The following GRIK2 variants were observed in gnomAD, a reference collection of about 807,000 sequenced individuals.
The protein encoded by GRIK2 is glutamate ionotropic receptor kainate type subunit 2, also known as glutamate receptor ionotropic, kainate 2.
GRIK2 carries 32 observed loss-of-function variants against 100.3 expected under a neutral mutation model. That is an observed-to-expected ratio of 0.32 (90% CI 0.24 to 0.43). The LOEUF is 0.43. Among genes scored for constraint, GRIK2 ranks in the 20% least tolerant of loss-of-function variants. The pLI is 1.00. For synonymous variants in GRIK2, 417 were observed against 389.4 expected (o/e 1.07, Z -0.83); for missense variants, 843 against 1,114.9 (o/e 0.76, Z 3.47).
intron 12 of GRIK2, among the ~76,000 whole-genome samples, chr6:101,904,431 T>C (rs887152124): frequency 1.3e-5 from 2 of 151,526 alleles, no homozygotes; most frequent in Admixed American, 6.6e-5. Context: ...TTTAAGAAAG[T>C]ACATACAATA....
intron 14 of GRIK2, among the ~76,000 whole-genome samples, chr6:102,017,163 T>C (rs1380698046): frequency 9.2e-5 from 14 of 152,254 alleles, no homozygotes; most frequent in African/African-American, 3.4e-4. Flanking sequence ...TGCTAGTCAC[T>C]ACAAAACACA....
At chr6:101,866,399 A>G (rs934919654) in intron 11 of GRIK2, among the ~76,000 whole-genome samples, 1 of 152,198 alleles carries the variant, frequency 6.6e-6, no homozygotes, top group Admixed American at 6.5e-5. Flanking sequence ...TTCACATTGC[A>G]TGCCTGTAGT....
At chr6:101,714,454 C>T (rs1293400629) in intron 7 of GRIK2, among the ~76,000 whole-genome samples, 1 of 144,878 alleles carries the variant, frequency 6.9e-6, no homozygotes, top group African/African-American at 2.5e-5. Context: ...TCAGTTACCA[C>T]TTTTGAGCTT....
chr6:101,409,118 G>A (rs988779897), intron 2 of GRIK2, among the ~76,000 whole-genome samples: 1 of 125,994 alleles, frequency 7.9e-6, no homozygotes, highest in East Asian at 2.5e-4. Flanking sequence ...ATGTGTGTGT[G>A]TGTGTGTGTG....
intron 2 of GRIK2, among the ~76,000 whole-genome samples, chr6:101,519,162 C>T (rs1345050795): frequency 3.3e-5 from 5 of 151,990 alleles, no homozygotes; most frequent in Admixed American, 6.6e-5. Context: ...ACTACAATTT[C>T]GGGTATACTA....
intron 12 of GRIK2, among the ~76,000 whole-genome samples, chr6:101,924,021 G>C (rs773408347): frequency 2.0e-5 from 3 of 150,928 alleles, no homozygotes; most frequent in Non-Finnish European, 2.9e-5. Context: ...TCAGAAGCGT[G>C]TATTAGAATG....
chr6:101,433,595 AT>A (rs200674043), intron 2 of GRIK2, among the ~76,000 whole-genome samples: 2,198 of 150,650 alleles, frequency 0.015, 46 homozygotes, highest in African/African-American at 0.052. Context: ...AATTATCTTT[AT>A]TTTTTTTCTT....
At chr6:101,684,610 T>C (rs997973319) in intron 6 of GRIK2, among the ~76,000 whole-genome samples, 2 of 151,948 alleles carry the variant, frequency 1.3e-5, no homozygotes, top group Non-Finnish European at 2.9e-5. Context: ...GAGATCTCTA[T>C]AACAAAAGAG....
chr6:101,806,611 C>T (rs1781021002), intron 9 of GRIK2, among the ~76,000 whole-genome samples: 7 of 150,356 alleles, frequency 4.7e-5, no homozygotes, highest in Admixed American at 4.0e-4. Flanking sequence ...TTTTCTTCTG[C>T]CCTACCTACA....
At chr6:101,453,577 T>C (rs1395855711) in intron 2 of GRIK2, among the ~76,000 whole-genome samples, 1 of 152,018 alleles carries the variant, frequency 6.6e-6, no homozygotes, top group East Asian at 1.9e-4. Flanking sequence ...TTTAAATTGA[T>C]AGCGCTAACC....
chr6:101,680,678 G>C (rs185572425), intron 5 of GRIK2, among the ~76,000 whole-genome samples: 2 of 152,206 alleles, frequency 1.3e-5, no homozygotes, highest in East Asian at 3.9e-4. Flanking sequence ...TACCTACAGA[G>C]TTGATAAAGT....
Position 101,890,988 on chromosome 6 carries a change from T to C in GRIK2, c.1748+1125T>C, listed in dbSNP as rs1045541755. ...CCTATAAAGTGTACATATATATATA[T>C]ATATATATATATATATGTTTTGTGC... On this transcript the variant is annotated intron_variant, in intron 12 of 16. Transcript: ENST00000369134. Among the ~76,000 whole-genome samples the C allele has an allele frequency of 5.5e-4, 7 of 12,728 alleles. No individual in the cohort carries two copies. The African/African-American group carries it at 0.011, about 19-fold the overall frequency. The allele number at this position is 12,728 out of a possible 152,430, so 8.4% of individuals were successfully genotyped here. A position where few individuals can be genotyped will look rare whatever the true frequency, so the allele number is the denominator to read the frequency against.
At chr6:101,736,547 C>T (rs1315534275) in intron 7 of GRIK2, among the ~76,000 whole-genome samples, 2 of 152,100 alleles carry the variant, frequency 1.3e-5, no homozygotes, top group Admixed American at 6.6e-5. Flanking sequence ...CCCTCTGAAG[C>T]CACAGCCTGA....
At chr6:101,395,740 C>CA (rs547680068) in intron 1 of GRIK2, among the ~76,000 whole-genome samples, 140 of 152,108 alleles carry the variant, frequency 9.2e-4, no homozygotes, top group African/African-American at 3.2e-3. Flanking sequence ...TCTTCTTTGT[C>CA]AATTTATCAT....
In GRIK2 at chr6:101,696,659, A is replaced by G. The variant is rs962528388; in HGVS notation, c.951+10306A>G. ...GTGAATTGTATTTAATGCTTACTGC[A>G]TTTTACTGCTGTTTCTGCCTTATTA... is the stretch of plus-strand genomic sequence containing the variant. On this transcript the variant is annotated intron_variant, in intron 7 of 16. Coordinates refer to ENST00000369134, the MANE Select transcript of GRIK2 (RefSeq NM_021956.5). 1.9e-4 allele frequency among the ~76,000 whole-genome samples: 29 copies of G among 151,848 alleles called. 1 individual carries two copies. Among genetic ancestry groups the G allele is most frequent in the South Asian group, 4.1e-4 (2 of 4,830 alleles).
intron 2 of GRIK2, among the ~76,000 whole-genome samples, chr6:101,521,936 T>C (rs1443821629): frequency 2.0e-5 from 3 of 152,100 alleles, no homozygotes; most frequent in Non-Finnish European, 4.4e-5. Context: ...TAAAGCAAGA[T>C]ATTTAATGTA....
intron 15 of GRIK2, among the ~76,000 whole-genome samples, chr6:102,038,877 T>C (rs1223090414): frequency 6.6e-6 from 1 of 151,400 alleles, no homozygotes; most frequent in Non-Finnish European, 1.5e-5. Flanking sequence ...ATCCTATATG[T>C]GATCAAAGAG....
At chr6:102,003,212 T>C (rs1473141023) in intron 14 of GRIK2, among the ~76,000 whole-genome samples, 1 of 151,718 alleles carries the variant, frequency 6.6e-6, no homozygotes, top group Non-Finnish European at 1.5e-5. Context: ...TTTATCACAA[T>C]TCCATTTATC....
chr6:101,433,481 T>C (rs946117487), intron 2 of GRIK2, among the ~76,000 whole-genome samples: 2 of 152,222 alleles, frequency 1.3e-5, no homozygotes, highest in Admixed American at 6.5e-5. Flanking sequence ...ATAACAGATG[T>C]AATGGCCTCA....
Sources: allele counts gnomAD v4.1 joint callset (sites outside exome capture counted in the v4.1 genomes callset), GRCh38; gene constraint gnomAD v4.1.1; transcripts MANE v1.5; gene names NCBI Gene and HGNC (gene_info 2026-07-23, HGNC 2026-07-21).